ARMH1: variants seen among roughly 807,000 people sequenced by gnomAD.
The protein encoded by ARMH1 is armadillo-like helical domain containing protein 1.
Under a neutral mutation model 50.2 loss-of-function variants are expected in ARMH1, and 34 were observed. The ratio of observed to expected loss-of-function variants is 0.68; its 90% CI spans 0.51 to 0.90. ARMH1 has a LOEUF of 0.90. ARMH1 is among the 40% of genes least tolerant of loss of function. The probability of loss-of-function intolerance (pLI) is 0.00; values close to 1 mark genes in which losing one functional copy is unlikely to be tolerated. For synonymous variants in ARMH1, 221 were observed against 224.2 expected (o/e 0.99, Z 0.13); for missense variants, 538 against 553.9 (o/e 0.97, Z 0.29).
At chr1:44,685,968 C>G (rs1645459236) in intron 1 of ARMH1, among the ~76,000 whole-genome samples, 1 of 152,108 alleles carries the variant, frequency 6.6e-6, no homozygotes, top group African/African-American at 2.4e-5. Flanking sequence ...CCCAGCCAAT[C>G]CAACATGTGG....
At chr1:44,709,130 T>G (rs1416120035) in intron 6 of ARMH1, among the ~76,000 whole-genome samples, 1 of 152,170 alleles carries the variant, frequency 6.6e-6, no homozygotes, top group African/African-American at 2.4e-5. Context: ...CCCAGCTGCT[T>G]TCGACCCAGT....
At chr1:44,689,594 C>T in intron 1 of ARMH1, 82 bp from the exon 2 acceptor site, 1 of 1,080,352 alleles carries the variant, frequency 9.3e-7, no homozygotes, top group Admixed American at 2.1e-5. Context: ...CACACCCTGC[C>T]TGCAGTTGAT....
chr1:44,725,519 G>T lies in ARMH1; in HGVS notation c.*116G>T. The T allele has an allele frequency of 3.0e-6, 3 of 1,016,022 alleles. No individual in the cohort carries two copies. The highest frequency in any genetic ancestry group is 4.4e-6 in the Non-Finnish European group (3 of 676,426). The allele number at this position is 1,016,022 out of a possible 1,614,324, so 62.9% of individuals were successfully genotyped here. ...CACTTGGCTCCAGGGGGGAGACGGG[G>T]ATTAGGCATCCCAGAGGGGCAGAGG... On this transcript the variant is annotated 3_prime_UTR_variant, in exon 12 of 12. Transcript: ENST00000535358.
rs567108922 is a variant in ARMH1, at chr1:44,696,996, A to G, written c.207-106A>G. On this transcript the variant is annotated intron_variant, in intron 2 of 11. Coordinates refer to ENST00000535358, the MANE Select transcript of ARMH1 (RefSeq NM_001145636.2). ...CTCTCAGGGTAAAGAGGCACAGTTC[A>G]GCTACTTGGCCACCCTGGGCCCGGG... 1.5e-5 allele frequency: 11 copies of G among 756,352 alleles called. No homozygotes were observed. The African/African-American group carries it at 1.7e-4, about 12-fold the overall frequency. The allele number at this position is 756,352 out of a possible 1,614,324, so 46.9% of individuals were successfully genotyped here.
chr1:44,702,255 C>A (rs1646116354), intron 5 of ARMH1, among the ~76,000 whole-genome samples: 1 of 152,192 alleles, frequency 6.6e-6, no homozygotes, highest in East Asian at 1.9e-4. Flanking sequence ...GAGGCAGATA[C>A]TATTCTCCCT....
At chr1:44,709,712 C>G (rs1030771320) in intron 6 of ARMH1, among the ~76,000 whole-genome samples, 1 of 151,022 alleles carries the variant, frequency 6.6e-6, no homozygotes, top group Admixed American at 6.6e-5. Context: ...TGGCGCGCAC[C>G]TGTAGTCCCA....
chr1:44,718,525 G>C (rs937801628), intron 6 of ARMH1, among the ~76,000 whole-genome samples: 4 of 152,238 alleles, frequency 2.6e-5, no homozygotes, highest in Non-Finnish European at 4.4e-5. Flanking sequence ...GAGAGTGTTT[G>C]GGGGAAGCCA....
chr1:44,684,407 T>C (rs1370927814), intron 1 of ARMH1: 3 of 152,092 alleles, frequency 2.0e-5, no homozygotes, highest in African/African-American at 7.2e-5. Context: ...ATAACCCCGC[T>C]GAAGAAATAT....
chr1:44,723,397 T>C (rs760047752), intron 6 of ARMH1, among the ~76,000 whole-genome samples: 8 of 152,180 alleles, frequency 5.3e-5, no homozygotes, highest in Admixed American at 1.3e-4. Context: ...AATGCTGGAC[T>C]GAATGAATGA....
At chr1:44,674,947 C>CTGGATGGATGGATGGATGGA (rs113637216) in intron 1 of ARMH1, 74 bp downstream of exon 1, 3 of 150,944 alleles carry the variant, frequency 2.0e-5, no homozygotes, top group African/African-American at 7.4e-5. Flanking sequence ...GAGGCATATT[C>CTGGATGGATGGATGGATGGA]TGGATGGATG....
intron 6 of ARMH1, among the ~76,000 whole-genome samples, chr1:44,717,166 T>C (rs756970569): frequency 1.9e-4 from 29 of 152,194 alleles, no homozygotes; most frequent in Non-Finnish European, 3.8e-4. Flanking sequence ...AGAACTATTC[T>C]TATTAGCTAT....
At chr1:44,722,925 T>A (rs1301084710) in intron 6 of ARMH1, among the ~76,000 whole-genome samples, 2 of 106,730 alleles carry the variant, frequency 1.9e-5, no homozygotes, top group East Asian at 2.6e-4. Context: ...AAAAAAAAAA[T>A]TAGCCGGGTG....
intron 6 of ARMH1, among the ~76,000 whole-genome samples, chr1:44,717,907 C>T (rs1646918775): frequency 1.3e-5 from 2 of 152,190 alleles, no homozygotes; most frequent in Non-Finnish European, 2.9e-5. Flanking sequence ...GACATTTGGG[C>T]AGAGACCAGT....
At position 44,724,309 on chromosome 1, in the gene ARMH1, C is replaced by G. The variant is rs1647886344; in HGVS notation, c.848-11C>G. On this transcript the variant is annotated splice_polypyrimidine_tract_variant and intron_variant, in intron 7 of 11. Transcript: ENST00000535358. This position sits in a 1 kb window ranked among gnomAD's most constrained non-coding sequence, Gnocchi z 6.4. ...GGGCGGTCTCTTGCCTCACGGCTGCCCCCTCCTCAGACCCCTCGGTTCTCC... is the reference window on the plus strand; with the variant it reads ...GGGCGGTCTCTTGCCTCACGGCTGCGCCCTCCTCAGACCCCTCGGTTCTCC... The G allele has an allele frequency of 6.4e-7, 1 of 1,551,150 alleles. No individual in the cohort carries two copies. Among genetic ancestry groups the G allele is most frequent in the African/African-American group, 1.4e-5 (1 of 73,054 alleles).
rs538329669 is a variant in ARMH1 at position 44,709,447 on chromosome 1, C to T, written c.724+5274C>T. Among the ~76,000 whole-genome samples the T allele has an allele frequency of 4.8e-3, 732 of 152,130 alleles. 4 individuals carry two copies. The highest frequency in any genetic ancestry group is 9.6e-3 in the Admixed American group (147 of 15,282). On this transcript the variant is annotated intron_variant, in intron 6 of 11. Coordinates refer to ENST00000535358, the MANE Select transcript of ARMH1 (RefSeq NM_001145636.2). ...CAGCACTTTGGGAGGCCAAGGGGGG[C>T]GGATCACGAGGTCAGGAGATCGAGA...
intron 6 of ARMH1, among the ~76,000 whole-genome samples, chr1:44,716,851 CTTTT>C (rs758060030): frequency 7.2e-6 from 1 of 138,296 alleles, no homozygotes; most frequent in Non-Finnish European, 1.6e-5. Flanking sequence ...ATTCTTTTTT[CTTTT>C]TTTTTTTTTT....
chr1:44,688,085 A>G (rs1026755200), intron 1 of ARMH1: 2 of 152,216 alleles, frequency 1.3e-5, no homozygotes, highest in Non-Finnish European at 2.9e-5. Context: ...CAGTTTGGCA[A>G]CTGAAGGCAG....
chr1:44,715,879 C>T (rs1266567192), intron 6 of ARMH1, among the ~76,000 whole-genome samples: 1 of 152,230 alleles, frequency 6.6e-6, no homozygotes, highest in Non-Finnish European at 1.5e-5. Flanking sequence ...GTTTCATTTA[C>T]TGCTGTTTCA....
chr1:44,701,144 T>A, intron 5 of ARMH1, 25 bp downstream of exon 5: 1 of 1,520,170 alleles, frequency 6.6e-7, no homozygotes, highest in Non-Finnish European at 8.8e-7. Context: ...CATGCTCCTG[T>A]GGTTCTGATT....
Sources: gnomAD v4.1 joint callset for allele counts (sites outside exome capture counted in the v4.1 genomes callset) on GRCh38, gnomAD v4.1.1 for gene constraint, Gnocchi (gnomAD v3.1) non-coding constraint, MANE v1.5 for transcripts, NCBI Gene and HGNC (gene_info 2026-07-23, HGNC 2026-07-21) for gene names.